The following FBXO4 variants were observed in gnomAD, a reference collection of about 807,000 sequenced individuals.
FBXO4 encodes F-box only protein 4.
A neutral mutation model predicts 43.7 loss-of-function variants in FBXO4; 36 were observed. The observed-to-expected ratio is 0.82, with a 90% CI of 0.63 to 1.09. FBXO4 has a LOEUF of 1.09. Among genes scored for constraint, FBXO4 ranks in the 50% least tolerant of loss-of-function variants. FBXO4 has a pLI of 0.00. For missense variants in FBXO4, 435 were observed against 474.1 expected (o/e 0.92, Z 0.77); for synonymous variants, 180 against 165.6 (o/e 1.09, Z -0.67).
At chr5:42,004,949 T>A in the FBXO4 span, among the ~76,000 whole-genome samples, 6 of 152,158 alleles carry the variant, frequency 3.9e-5, no homozygotes, top group Admixed American at 3.9e-4. Context: ...AGGCATTGAT[T>A]GATTGATCTA....
chr5:41,984,650 A>G, the FBXO4 span, among the ~76,000 whole-genome samples: 1 of 152,150 alleles, frequency 6.6e-6, no homozygotes, highest in Non-Finnish European at 1.5e-5. Flanking sequence ...TCATTTGGCC[A>G]GGAGTGTATG....
the FBXO4 span, among the ~76,000 whole-genome samples, chr5:42,030,237 T>C: frequency 6.6e-6 from 1 of 152,274 alleles, no homozygotes; most frequent in East Asian, 1.9e-4. Flanking sequence ...CAAAACAGCA[T>C]GGTACTGGTA....
the FBXO4 span, among the ~76,000 whole-genome samples, chr5:41,962,466 A>G: frequency 5.3e-5 from 8 of 152,098 alleles, no homozygotes; most frequent in African/African-American, 1.9e-4. Flanking sequence ...ATCCCCCTAC[A>G]CTTGCATCTC....
chr5:41,950,876 G>A, the FBXO4 span, among the ~76,000 whole-genome samples: 1 of 152,184 alleles, frequency 6.6e-6, no homozygotes, highest in Non-Finnish European at 1.5e-5. Context: ...GGAATACTCT[G>A]CAGCCATAAA....
At chr5:42,033,727 G>T in the FBXO4 span, among the ~76,000 whole-genome samples, 1 of 152,162 alleles carries the variant, frequency 6.6e-6, no homozygotes, top group African/African-American at 2.4e-5. Flanking sequence ...TTTTATGGCT[G>T]CATAGCATTC....
At chr5:42,013,899 C>T in the FBXO4 span, among the ~76,000 whole-genome samples, 3 of 152,148 alleles carry the variant, frequency 2.0e-5, no homozygotes, top group Non-Finnish European at 2.9e-5. Flanking sequence ...CACTCAGCTG[C>T]CGAGAGGAGA....
chr5:41,954,372 A>G, the FBXO4 span, among the ~76,000 whole-genome samples: 130 of 152,348 alleles, frequency 8.5e-4, 1 homozygote, highest in Non-Finnish European at 1.5e-4. Flanking sequence ...TAACAATTCT[A>G]TTAGGAATGT....
the FBXO4 span, among the ~76,000 whole-genome samples, chr5:42,019,757 T>C: frequency 2.0e-5 from 3 of 151,820 alleles, no homozygotes; most frequent in Non-Finnish European, 4.4e-5. Context: ...TTGGATTACA[T>C]TTCCATTAAT....
At chr5:42,038,083 A>T in the FBXO4 span, among the ~76,000 whole-genome samples, 4 of 152,088 alleles carry the variant, frequency 2.6e-5, no homozygotes, top group Admixed American at 6.6e-5. Flanking sequence ...TGCCCGTTAA[A>T]AGAGAGTGTT....
the FBXO4 span, among the ~76,000 whole-genome samples, chr5:41,976,052 C>T: frequency 6.6e-6 from 1 of 152,142 alleles, no homozygotes; most frequent in South Asian, 2.1e-4. Context: ...AACCAGATCT[C>T]ACATGAACTA....
the FBXO4 span, among the ~76,000 whole-genome samples, chr5:42,035,399 G>C: frequency 0.016 from 2,440 of 152,100 alleles, 123 homozygotes; most frequent in East Asian, 0.1. Context: ...TTGTCTTGTG[G>C]CAGTTTTCAA....
At chr5:42,018,893 G>A in the FBXO4 span, among the ~76,000 whole-genome samples, 3 of 152,154 alleles carry the variant, frequency 2.0e-5, no homozygotes, top group African/African-American at 4.8e-5. Context: ...GGAGAGAAAT[G>A]CTGCTAGGGC....
At chr5:42,027,777 T>C in the FBXO4 span, among the ~76,000 whole-genome samples, 1 of 151,890 alleles carries the variant, frequency 6.6e-6, no homozygotes, top group Non-Finnish European at 1.5e-5. Context: ...TTTTCTAACT[T>C]ATTCGTTGAC....
the FBXO4 span, among the ~76,000 whole-genome samples, chr5:41,961,471 A>T: frequency 1.3e-5 from 2 of 152,136 alleles, no homozygotes; most frequent in Non-Finnish European, 2.9e-5. Flanking sequence ...TGGAATCCAG[A>T]ATGATAATGG....
chr5:41,943,633 T>C (rs1752035844), downstream of FBXO4, among the ~76,000 whole-genome samples: 2 of 152,148 alleles, frequency 1.3e-5, no homozygotes, highest in South Asian at 4.1e-4. Flanking sequence ...GTTTAGATGG[T>C]CATATAAAAA....
At chr5:41,944,170 A>T (rs1316938011), downstream of FBXO4, among the ~76,000 whole-genome samples, 1 of 152,242 alleles carries the variant, frequency 6.6e-6, no homozygotes, top group Non-Finnish European at 1.5e-5. Flanking sequence ...GCTATTTTGT[A>T]ACGATCTCAG....
At chr5:41,963,037 C>T in the FBXO4 span, among the ~76,000 whole-genome samples, 1 of 152,068 alleles carries the variant, frequency 6.6e-6, no homozygotes, top group Non-Finnish European at 1.5e-5. Context: ...AAATTTTTTT[C>T]AAACCATGAC....
the FBXO4 span, among the ~76,000 whole-genome samples, chr5:42,007,470 T>C: frequency 8.5e-3 from 1,301 of 152,202 alleles, 23 homozygotes; most frequent in African/African-American, 0.029. Flanking sequence ...TTCTTTCTAT[T>C]TCTTAGACAC....
the FBXO4 span, among the ~76,000 whole-genome samples, chr5:42,032,065 G>GTC: frequency 7.4e-6 from 1 of 135,320 alleles, no homozygotes; most frequent in African/African-American, 2.9e-5. Flanking sequence ...TTCTGTGTGT[G>GTC]TGTGTGTGTG....
Sources: allele counts gnomAD v4.1 joint callset (sites outside exome capture counted in the v4.1 genomes callset), GRCh38; gene constraint gnomAD v4.1.1; transcripts MANE v1.5; gene names NCBI Gene and HGNC (gene_info 2026-07-23, HGNC 2026-07-21).